The following CSMD1 variants were observed in gnomAD, a reference collection of about 807,000 sequenced individuals.
CSMD1 encodes the protein CUB and sushi domain-containing protein 1.
CSMD1 carries 213 observed loss-of-function variants against 417.5 expected under a neutral mutation model. That is an observed-to-expected ratio of 0.51 (90% CI 0.46 to 0.57). The LOEUF (loss-of-function observed/expected upper bound fraction) is 0.57. CSMD1 is among the 20% of genes least tolerant of loss of function. CSMD1 has a pLI of 0.00. For missense variants in CSMD1, 6,923 were observed against 4,529.7 expected (o/e 1.53, Z -15.17); for synonymous variants, 2,862 against 1,736.8 (o/e 1.65, Z -16.11).
At chr8:4,746,601 T>A in intron 1 of CSMD1, among the ~76,000 whole-genome samples, 1 of 152,196 alleles carries the variant, frequency 6.6e-6, no homozygotes, top group Non-Finnish European at 1.5e-5. Flanking sequence ...CGAGCATGCA[T>A]TTTGTCCACC....
intron 5 of CSMD1, among the ~76,000 whole-genome samples, chr8:3,847,359 C>G (rs1012899605): frequency 6.6e-6 from 1 of 152,096 alleles, no homozygotes; most frequent in African/African-American, 2.4e-5. Context: ...GAGAAGGAAG[C>G]AGAAGTGGTC....
At chr8:3,800,920 T>G (rs377581429) in intron 5 of CSMD1, among the ~76,000 whole-genome samples, 13 of 152,124 alleles carry the variant, frequency 8.5e-5, no homozygotes, top group Non-Finnish European at 1.5e-4. Flanking sequence ...ATAAACCTCT[T>G]TCTTTATAAT....
At chr8:3,534,634 T>A (rs1167579707) in intron 10 of CSMD1, among the ~76,000 whole-genome samples, 1 of 152,202 alleles carries the variant, frequency 6.6e-6, no homozygotes, top group East Asian at 1.9e-4. Flanking sequence ...TCAGTTGGTA[T>A]CTTGGGAATG....
At chr8:4,971,855 G>C (rs939348038) in intron 1 of CSMD1, among the ~76,000 whole-genome samples, 2 of 152,006 alleles carry the variant, frequency 1.3e-5, no homozygotes, top group Non-Finnish European at 2.9e-5. Context: ...AATTCAGGAA[G>C]AAATGGACTG....
At chr8:4,031,383 G>A (rs62502687) in intron 4 of CSMD1, among the ~76,000 whole-genome samples, 18,420 of 152,196 alleles carry the variant, frequency 0.12, 1,218 homozygotes, top group East Asian at 0.22. Context: ...ATGGCAGCAG[G>A]CAAAGAGAGA....
At position 3,720,620 on chromosome 8, in the gene CSMD1, T is replaced by TACACACACACACACAC. The variant is rs1554520854; in HGVS notation, c.932-12145_932-12130dup. Among the ~76,000 whole-genome samples the TACACACACACACACAC allele has an allele frequency of 1.5e-3, 219 of 143,402 alleles. 1 individual carries two copies. The highest frequency in any genetic ancestry group is 5.4e-3 in the African/African-American group (206 of 37,918). 94.1% of individuals were successfully genotyped at this position (143,402 alleles called of 152,430 possible). On this transcript the variant is annotated intron_variant, in intron 6 of 69. Coordinates refer to ENST00000635120, the MANE Select transcript of CSMD1 (RefSeq NM_033225.6). Reference sequence around the variant, plus strand: ...CATTGGTGGTCAAAGTCTTTATTCTTACACACACACACACACACACACACA... The same window carrying TACACACACACACACAC: ...CATTGGTGGTCAAAGTCTTTATTCTTACACACACACACACACACACACACACACACACACACACACA...
chr8:3,742,362 G>A (rs965064068), intron 6 of CSMD1, among the ~76,000 whole-genome samples: 1 of 152,112 alleles, frequency 6.6e-6, no homozygotes, highest in Non-Finnish European at 1.5e-5. Flanking sequence ...TGGCGAATCT[G>A]ACCCGAATAT....
intron 22 of CSMD1, 40 bp downstream of exon 22, chr8:3,347,952 G>C (rs1458955905): frequency 6.9e-7 from 1 of 1,448,630 alleles, no homozygotes. Context: ...TTTTTGAGAA[G>C]AAAACTTGGA....
chr8:4,807,936 C>A (rs1056241649), intron 1 of CSMD1, among the ~76,000 whole-genome samples: 3 of 152,150 alleles, frequency 2.0e-5, no homozygotes, highest in African/African-American at 7.2e-5. Context: ...TTTCTAAATT[C>A]AATAAAGCCC....
At chr8:3,846,962 A>G (rs1485909487) in intron 5 of CSMD1, among the ~76,000 whole-genome samples, 1 of 152,146 alleles carries the variant, frequency 6.6e-6, no homozygotes, top group African/African-American at 2.4e-5. Context: ...GCCGTGAGCC[A>G]CTGCGCCTGG....
At chr8:4,407,493 T>C (rs1174187870) in intron 3 of CSMD1, among the ~76,000 whole-genome samples, 4 of 152,346 alleles carry the variant, frequency 2.6e-5, no homozygotes, top group South Asian at 4.1e-4. Context: ...ATAAATTTCA[T>C]TGTACTCTGT....
chr8:4,192,991 T>C (rs373303718), intron 3 of CSMD1, among the ~76,000 whole-genome samples: 8 of 152,260 alleles, frequency 5.3e-5, no homozygotes, highest in African/African-American at 1.7e-4. Context: ...GCAAATCAAA[T>C]GCAATCATAT....
chr8:3,501,173 TA>T (rs1205987229), intron 10 of CSMD1, among the ~76,000 whole-genome samples: 2 of 152,166 alleles, frequency 1.3e-5, no homozygotes, highest in African/African-American at 4.8e-5. Flanking sequence ...CTGATTCAGT[TA>T]AACCAAAAGA....
At chr8:4,724,448 A>G (rs989317727) in intron 1 of CSMD1, among the ~76,000 whole-genome samples, 2 of 151,970 alleles carry the variant, frequency 1.3e-5, no homozygotes, top group Admixed American at 6.6e-5. Flanking sequence ...TTCAAATATA[A>G]TATTTACATT....
intron 3 of CSMD1, among the ~76,000 whole-genome samples, chr8:4,056,143 A>T (rs1404570186): frequency 7.8e-6 from 1 of 127,448 alleles, no homozygotes; most frequent in African/African-American, 3.0e-5. Flanking sequence ...ATACAGTGGC[A>T]CCATCTTGGC....
chr8:4,323,597 C>T (rs1044510974), intron 3 of CSMD1, among the ~76,000 whole-genome samples: 2 of 151,806 alleles, frequency 1.3e-5, no homozygotes, highest in Admixed American at 6.6e-5. Flanking sequence ...TGGCTGATAC[C>T]CAAAGTCAAC....
intron 3 of CSMD1, among the ~76,000 whole-genome samples, chr8:4,124,238 G>C (rs772247884): frequency 1.7e-4 from 26 of 152,098 alleles, no homozygotes; most frequent in Non-Finnish European, 3.1e-4. Context: ...GGGAGTGTGA[G>C]GCCTGAGGTC....
At chr8:4,091,273 C>G (rs1045430485) in intron 3 of CSMD1, among the ~76,000 whole-genome samples, 34 of 151,970 alleles carry the variant, frequency 2.2e-4, no homozygotes, top group Admixed American at 2.2e-3. Context: ...AAATAATAAT[C>G]TAATAAAATT....
chr8:4,185,824 G>A (rs1798640767), intron 3 of CSMD1, among the ~76,000 whole-genome samples: 1 of 152,138 alleles, frequency 6.6e-6, no homozygotes, highest in African/African-American at 2.4e-5. Context: ...GTCAGAAAGT[G>A]CCCTGCATAA....
Sources: gnomAD v4.1 joint callset for allele counts (sites outside exome capture counted in the v4.1 genomes callset) on GRCh38, gnomAD v4.1.1 for gene constraint, MANE v1.5 for transcripts, NCBI Gene and HGNC (gene_info 2026-07-23, HGNC 2026-07-21) for gene names.